The following AIG1 variants were observed in gnomAD, a reference collection of about 807,000 sequenced individuals.
AIG1 encodes androgen induced 1.
AIG1 carries 23 observed loss-of-function variants against 31.4 expected under a neutral mutation model. The observed-to-expected ratio is 0.73, with a 90% CI of 0.53 to 1.04. The LOEUF is 1.04. Ranked by LOEUF, AIG1 falls within the 50% of genes least tolerant of loss-of-function variation. The pLI, the probability that AIG1 is intolerant of heterozygous loss-of-function variation, is 0.00. For synonymous variants in AIG1, 100 were observed against 110.5 expected, an observed-to-expected ratio of 0.90 and a Z score of 0.60; for missense variants, 274 against 295.0, an observed-to-expected ratio of 0.93 and a Z score of 0.52.
intron 1 of AIG1, among the ~76,000 whole-genome samples, chr6:143,096,742 T>A (rs1278095267): frequency 1.3e-5 from 2 of 152,220 alleles, no homozygotes; most frequent in Non-Finnish European, 2.9e-5. Context: ...GATAGTTTCT[T>A]AATGACGCTT....
At chr6:143,332,140 G>A (rs1316915926) in intron 4 of AIG1, among the ~76,000 whole-genome samples, 2 of 152,130 alleles carry the variant, frequency 1.3e-5, no homozygotes, top group Non-Finnish European at 2.9e-5. Flanking sequence ...CGAAAGTGCT[G>A]AGATTACAGA....
chr6:143,296,145 C>T lies in AIG1; in HGVS notation c.515+11920C>T, dbSNP rs147686681. Among the ~76,000 whole-genome samples the T allele has an allele frequency of 5.8e-4, 89 of 152,154 alleles. No homozygotes were observed. In the East Asian group the frequency reaches 7.7e-3, roughly 13 times the overall value. On this transcript the variant is annotated intron_variant, in intron 4 of 5. Coordinates refer to ENST00000357847, the MANE Select transcript of AIG1 (RefSeq NM_016108.4). ...CAATGGTAACCATATAAAGGGTTTACGACACCCCTGCCATCCATTTCTCCA... is the reference window on the plus strand; with the variant it reads ...CAATGGTAACCATATAAAGGGTTTATGACACCCCTGCCATCCATTTCTCCA...
intron 1 of AIG1, among the ~76,000 whole-genome samples, chr6:143,087,444 G>A (rs780033355): frequency 1.4e-4 from 22 of 152,230 alleles, no homozygotes; most frequent in African/African-American, 2.4e-4. Context: ...GTGCTTAGCC[G>A]TGCCCGAACA....
intron 3 of AIG1, among the ~76,000 whole-genome samples, chr6:143,183,490 G>A (rs976749964): frequency 6.6e-5 from 10 of 151,892 alleles, no homozygotes; most frequent in Admixed American, 2.0e-4. Context: ...CACCACGCCC[G>A]GTCAGACAAT....
At chr6:143,156,973 T>A (rs1053641694) in intron 2 of AIG1, among the ~76,000 whole-genome samples, 3 of 152,236 alleles carry the variant, frequency 2.0e-5, no homozygotes, top group African/African-American at 7.2e-5. Context: ...ATGGATGCCC[T>A]GACTCTGAAG....
At chr6:143,263,586 A>G (rs903600306) in intron 3 of AIG1, among the ~76,000 whole-genome samples, 1 of 152,236 alleles carries the variant, frequency 6.6e-6, no homozygotes, top group Non-Finnish European at 1.5e-5. Context: ...AGAAACAAGA[A>G]AGATCACTCA....
chr6:143,180,039 C>G (rs1364037620), intron 3 of AIG1, among the ~76,000 whole-genome samples: 1 of 152,212 alleles, frequency 6.6e-6, no homozygotes, highest in Non-Finnish European at 1.5e-5. Context: ...TTCTATCCTT[C>G]CACCGTCTTT....
rs181695247 is a variant in AIG1, at chr6:143,078,341, C to A, written c.141+17275C>A. 1.4e-3 allele frequency among the ~76,000 whole-genome samples: 220 copies of A among 152,280 alleles called. 1 individual carries two copies. Among genetic ancestry groups the A allele is most frequent in the African/African-American group, 5.2e-3 (215 of 41,552 alleles). On this transcript the variant is annotated intron_variant, in intron 1 of 5. Coordinates refer to ENST00000357847, the MANE Select transcript of AIG1 (RefSeq NM_016108.4). ...CTAAAGTCCTTGCCTGATAATTCCA[C>A]CATTGGTGTCCTTTTGGGGTTGACA...
At chr6:143,067,861 AT>A (rs1023205193) in intron 1 of AIG1, among the ~76,000 whole-genome samples, 1 of 151,992 alleles carries the variant, frequency 6.6e-6, no homozygotes, top group Non-Finnish European at 1.5e-5. Flanking sequence ...TAAAATTGCA[AT>A]TTTTTTCTTC....
Position 143,280,788 on chromosome 6 carries a change from G to T in AIG1, c.400-3322G>T, listed in dbSNP as rs1797293262. Among the ~76,000 whole-genome samples the T allele has an allele frequency of 6.6e-6, 1 of 151,968 alleles. No homozygotes were observed. Among genetic ancestry groups the T allele is most frequent in the African/African-American group, 2.4e-5 (1 of 41,362 alleles). On this transcript the variant is annotated intron_variant, in intron 3 of 5. Coordinates refer to ENST00000357847, the MANE Select transcript of AIG1 (RefSeq NM_016108.4). This position sits in a 1 kb window ranked among gnomAD's most constrained non-coding sequence, Gnocchi z 4.1. ...TATTGGGTACTGGGCTTAATACCTG[G>T]GTGATGAGATAATACGTACAATGAA...
At chr6:143,168,739 G>T (rs925704471) in intron 3 of AIG1, among the ~76,000 whole-genome samples, 1 of 151,964 alleles carries the variant, frequency 6.6e-6, no homozygotes, top group Non-Finnish European at 1.5e-5. Flanking sequence ...TGAGATCAAG[G>T]CTATAGTGAA....
intron 3 of AIG1, among the ~76,000 whole-genome samples, chr6:143,278,410 T>C (rs1281059746): frequency 1.3e-5 from 2 of 152,158 alleles, no homozygotes; most frequent in Non-Finnish European, 2.9e-5. Flanking sequence ...TTTCAGTCCT[T>C]CTCATTCTGT....
At chr6:143,282,481 A>G (rs1297709806) in intron 3 of AIG1, among the ~76,000 whole-genome samples, 2 of 152,236 alleles carry the variant, frequency 1.3e-5, no homozygotes, top group Non-Finnish European at 2.9e-5. Flanking sequence ...TGAAAAACCA[A>G]TAGATCTTTA....
At chr6:143,191,619 T>G (rs529618226) in intron 3 of AIG1, among the ~76,000 whole-genome samples, 27 of 151,720 alleles carry the variant, frequency 1.8e-4, no homozygotes, top group Non-Finnish European at 3.5e-4. Flanking sequence ...CAGCTTGAAA[T>G]ATAGAGGATT....
chr6:143,342,047 T>A (rs1002645358), downstream of AIG1, among the ~76,000 whole-genome samples: 1 of 152,212 alleles, frequency 6.6e-6, no homozygotes, highest in African/African-American at 2.4e-5. Context: ...TGCCTCAACC[T>A]CCCAAGTAGC....
At chr6:143,337,868 C>G in intron 5 of AIG1, 1 of 398,028 alleles carries the variant, frequency 2.5e-6, no homozygotes, top group Admixed American at 4.4e-5. Flanking sequence ...AAAAGTGTAT[C>G]CTGCCTTCGC....
At chr6:143,188,660 TAAATA>T in intron 3 of AIG1, 1 of 983,518 alleles carries the variant, frequency 1.0e-6, no homozygotes, top group Non-Finnish European at 1.2e-6. Context: ...TAACAAATAA[TAAATA>T]AATAAATAGG....
intron 2 of AIG1, among the ~76,000 whole-genome samples, chr6:143,148,681 T>A (rs1283414935): frequency 3.3e-5 from 5 of 151,924 alleles, no homozygotes; most frequent in Non-Finnish European, 4.4e-5. Flanking sequence ...AAAAGTAACC[T>A]GCTTGGTAGC....
At chr6:143,063,536 C>T (rs937001560) in intron 1 of AIG1, among the ~76,000 whole-genome samples, 1 of 152,196 alleles carries the variant, frequency 6.6e-6, no homozygotes, top group African/African-American at 2.4e-5. Context: ...ACCAACCTGT[C>T]AATCCTCAGT....
Sources: gnomAD v4.1 joint callset for allele counts (sites outside exome capture counted in the v4.1 genomes callset) on GRCh38, gnomAD v4.1.1 for gene constraint, Gnocchi (gnomAD v3.1) non-coding constraint, MANE v1.5 for transcripts, NCBI Gene and HGNC (gene_info 2026-07-23, HGNC 2026-07-21) for gene names.